ORC6: variants seen among roughly 807,000 people sequenced by gnomAD.
The protein encoded by ORC6 is origin recognition complex subunit 6.
In ORC6, 31 loss-of-function variants were observed where a neutral mutation model predicts 30.0. The ratio of observed to expected loss-of-function variants is 1.03; its 90% CI spans 0.78 to 1.40. ORC6 has a LOEUF of 1.40. ORC6 is among the 40% of genes most tolerant of loss of function. The probability of loss-of-function intolerance (pLI) is 0.00; values close to 1 mark genes in which losing one functional copy is unlikely to be tolerated. For synonymous variants in ORC6, 136 were observed against 111.2 expected (o/e 1.22, Z -1.40); for missense variants, 340 against 304.3 (o/e 1.12, Z -0.87).
chr16:46,695,310 C>T (rs556136235), intron 4 of ORC6: 2 of 462,044 alleles, frequency 4.3e-6, no homozygotes, highest in African/African-American at 2.0e-5. Flanking sequence ...TTCTAAAAGT[C>T]ATGAAGCACT....
chr16:46,697,788 C>T lies in ORC6; in HGVS notation c.*203C>T. 1 of 675,546 alleles carries T rather than the reference C, an allele frequency of 1.5e-6. No homozygotes were observed. The highest frequency in any genetic ancestry group is 2.7e-6 in the Non-Finnish European group (1 of 369,856). The allele number at this position is 675,546 out of a possible 1,614,324, so 41.8% of individuals were successfully genotyped here. ...GTGAGCATTAGACCAGCCACAGTGC[C>T]TGATTGGTATAGCCTTATGTGCTTT... On this transcript the variant is annotated 3_prime_UTR_variant, in exon 7 of 7. Transcript: ENST00000219097.
chr16:46,695,275 A>G, intron 4 of ORC6: 1 of 354,904 alleles, frequency 2.8e-6, no homozygotes, highest in South Asian at 3.0e-5. Context: ...TCATTCATTA[A>G]ATTAATCTGA....
In ORC6 at chr16:46,692,546, G is replaced by A. The variant is rs1966458346; in HGVS notation, c.359+1G>A. 1 of 1,612,422 alleles carries A rather than the reference G, an allele frequency of 6.2e-7. No homozygotes were observed. Among genetic ancestry groups the A allele is most frequent in the Non-Finnish European group, 8.5e-7 (1 of 1,178,680 alleles). Reference sequence around the variant, plus strand: ...ACATGGCTTCAAAGATACTAAAAAGGTATGGGGCATAGAGAACCTTAATTG... The same window carrying A: ...ACATGGCTTCAAAGATACTAAAAAGATATGGGGCATAGAGAACCTTAATTG... On this transcript the variant is annotated splice_donor_variant, in intron 3 of 6. Coordinates refer to ENST00000219097, the MANE Select transcript of ORC6 (RefSeq NM_014321.4). LOFTEE classifies it high-confidence loss of function.
chr16:46,695,383 T>A, intron 4 of ORC6, 179 bp from the exon 5 acceptor site: 1 of 603,632 alleles, frequency 1.7e-6, no homozygotes. Context: ...ATTTTAACTC[T>A]CAGTCCAATA....
chr16:46,692,712 AC>A (rs1331738367), intron 3 of ORC6, among the ~76,000 whole-genome samples, 167 bp downstream of exon 3: 1 of 152,206 alleles, frequency 6.6e-6, no homozygotes, highest in Non-Finnish European at 1.5e-5. Context: ...TACTAAAAAT[AC>A]AAAAATTAGC....
rs902049971 is a variant in ORC6, at chr16:46,689,682, A to C, written c.-24A>C. 4 of 1,594,062 alleles carry C rather than the reference A, an allele frequency of 2.5e-6. No individual in the cohort carries two copies. Among genetic ancestry groups the C allele is most frequent in the African/African-American group, 2.7e-5 (2 of 74,854 alleles). ...TCGTTGACCCGCGGCGTTCACGGGAATTGTTCGCTTTAGTGCCGGCGCCAT... is the reference window on the plus strand; with the variant it reads ...TCGTTGACCCGCGGCGTTCACGGGACTTGTTCGCTTTAGTGCCGGCGCCAT... On this transcript the variant is annotated 5_prime_UTR_variant, in exon 1 of 7. Transcript: ENST00000219097.
chr16:46,693,765 C>T (rs540684956), intron 4 of ORC6: 25 of 147,464 alleles, frequency 1.7e-4, no homozygotes, highest in African/African-American at 3.3e-4. Flanking sequence ...GCTATGGTCA[C>T]GCTACTACAC....
At chr16:46,692,817 G>A (rs756374838) in intron 3 of ORC6, among the ~76,000 whole-genome samples, 6 of 152,148 alleles carry the variant, frequency 3.9e-5, no homozygotes, top group East Asian at 1.9e-4. Flanking sequence ...GCAGTAAGCC[G>A]AGATTGCACC....
chr16:46,696,353 C>G, intron 6 of ORC6: 1 of 501,312 alleles, frequency 2.0e-6, no homozygotes, highest in East Asian at 3.8e-5. Context: ...CCCATGAGTG[C>G]GAGACCAGCC....
chr16:46,697,855 C>T lies in ORC6; in HGVS notation c.*270C>T. The T allele has an allele frequency of 3.9e-6, 2 of 509,930 alleles. No individual in the cohort carries two copies. The highest frequency in any genetic ancestry group is 7.6e-6 in the Non-Finnish European group (2 of 264,094). 31.6% of individuals were successfully genotyped at this position (509,930 alleles called of 1,614,324 possible). A position where few individuals can be genotyped will look rare whatever the true frequency, so the allele number is the denominator to read the frequency against. The stretch of plus-strand genomic sequence containing the variant: ...GGAGGCCGGGCGCAGTGGCTCACGC[C>T]TGTAATCCCAGCACTTTGGGAGGCC... On this transcript the variant is annotated 3_prime_UTR_variant, in exon 7 of 7. Transcript: ENST00000219097.
rs60635029 is a variant in ORC6, at chr16:46,698,183, GGATAGATAGATA to G, written c.*619_*630del. 52 of 430,564 alleles carry G rather than the reference GGATAGATAGATA, an allele frequency of 1.2e-4. No individual in the cohort carries two copies. Among genetic ancestry groups the G allele is most frequent in the East Asian group, 5.0e-4 (7 of 13,936 alleles). The allele number at this position is 430,564 out of a possible 1,614,324, so 26.7% of individuals were successfully genotyped here. A position where few individuals can be genotyped will look rare whatever the true frequency, so the allele number is the denominator to read the frequency against. ...CTTATAGATAGATAGATAGATAGAT[GGATAGATAGATA>G]GATAGATAGATAGATAGATAAACGG... On this transcript the variant is annotated 3_prime_UTR_variant, in exon 7 of 7. Coordinates refer to ENST00000219097, the MANE Select transcript of ORC6 (RefSeq NM_014321.4).
rs139154047 is a variant in ORC6, at chr16:46,693,720, G to C, written c.449+538G>C. The C allele has an allele frequency of 4.7e-3, 752 of 159,470 alleles. 3 individuals carry two copies. Among genetic ancestry groups the C allele is most frequent in the African/African-American group, 0.017 (713 of 41,318 alleles). The allele number at this position is 159,470 out of a possible 1,614,324, so 9.9% of individuals were successfully genotyped here. A position where few individuals can be genotyped will look rare whatever the true frequency, so the allele number is the denominator to read the frequency against. ...GCTACTCGGGAGGCTGAAGCTGAAG[G>C]CTCACTGGAGCCTAGGAGTTCTTGG... On this transcript the variant is annotated intron_variant, in intron 4 of 6. Coordinates refer to ENST00000219097, the MANE Select transcript of ORC6 (RefSeq NM_014321.4).
chr16:46,691,118 A>G lies in ORC6; in HGVS notation c.193A>G (p.Arg65Gly). The G allele has an allele frequency of 6.2e-7, 1 of 1,614,094 alleles. No individual in the cohort carries two copies. The highest frequency in any genetic ancestry group is 8.5e-7 in the Non-Finnish European group (1 of 1,179,948). Reference sequence around the variant, plus strand: ...TTCCTGGATGAAGTGCCCCTTGGACAGGGTAAGTAGGTCCCACCGAATGTC... The same window carrying G: ...TTCCTGGATGAAGTGCCCCTTGGACGGGGTAAGTAGGTCCCACCGAATGTC... ...AASWMKCPLD[R>G]AYLIKLSGLN... Residue 65 changes from arginine (R) to glycine (G), a missense_variant and splice_region_variant, in exon 2 of 7, where the codon AGG (arginine) becomes GGG (glycine). Transcript: ENST00000219097.
chr16:46,691,423 A>G (rs561085845), intron 2 of ORC6, among the ~76,000 whole-genome samples: 1 of 152,294 alleles, frequency 6.6e-6, no homozygotes, highest in East Asian at 1.9e-4. Flanking sequence ...TTTTCTTCCA[A>G]TGTCACAGTG....
intron 5 of ORC6, 47 bp downstream of exon 5, chr16:46,695,721 T>C: frequency 7.8e-7 from 1 of 1,276,918 alleles, no homozygotes; most frequent in African/African-American, 1.5e-5. Context: ...AATGTAGTCC[T>C]TTTGCTTGTA....
rs761300530 is a variant in ORC6 at position 46,695,997 on chromosome 16, C to G, written c.563-20C>G. The G allele has an allele frequency of 3.8e-6, 6 of 1,590,558 alleles. No individual in the cohort carries two copies. The Admixed American group carries it at 6.7e-5, about 18-fold the overall frequency. On this transcript the variant is annotated intron_variant, in intron 5 of 6. Transcript: ENST00000219097. ...AATTGAGAACAGGAGAAAAATTAAC[C>G]TTGATAACACTTCTTAAAGGAGAAC...
Position 46,698,167 on chromosome 16 carries a change from A to AGATG in ORC6, c.*585_*586insGGAT. The AGATG allele has an allele frequency of 2.5e-6, 1 of 402,504 alleles. No homozygotes were observed. The highest frequency in any genetic ancestry group is 5.1e-6 in the Non-Finnish European group (1 of 196,876). 24.9% of individuals were successfully genotyped at this position (402,504 alleles called of 1,614,324 possible). On this transcript the variant is annotated 3_prime_UTR_variant, in exon 7 of 7. Transcript: ENST00000219097. ...GGGTGACAGAGCGAGACTTATAGAT[A>AGATG]GATAGATAGATAGATGGATAGATAG... is the stretch of plus-strand genomic sequence containing the variant.
At chr16:46,695,995 A>G in intron 5 of ORC6, 22 bp from the exon 6 acceptor site, 1 of 1,580,684 alleles carries the variant, frequency 6.3e-7, no homozygotes, top group African/African-American at 1.3e-5. Flanking sequence ...AGAAAAATTA[A>G]CCTTGATAAC....
chr16:46,695,367 A>G (rs999467437), intron 4 of ORC6, 195 bp from the exon 5 acceptor site: 2 of 588,038 alleles, frequency 3.4e-6, no homozygotes, highest in East Asian at 5.8e-5. Flanking sequence ...AATAGATCCC[A>G]TGTGCATTTT....
Sources: gnomAD v4.1 joint callset for allele counts (sites outside exome capture counted in the v4.1 genomes callset) on GRCh38, gnomAD v4.1.1 for gene constraint, MANE v1.5 for transcripts, NCBI Gene and HGNC (gene_info 2026-07-23, HGNC 2026-07-21) for gene names.